The following COL1A1 variants were observed in gnomAD, a reference collection of about 807,000 sequenced individuals.
COL1A1 encodes the protein collagen alpha-1(I) chain.
A neutral mutation model predicts 195.7 loss-of-function variants in COL1A1; 21 were observed. The observed-to-expected ratio is 0.11, with a 90% CI of 0.08 to 0.15. COL1A1 has a LOEUF of 0.15. COL1A1 is among the 10% of genes least tolerant of loss of function. The pLI is 1.00. For missense variants in COL1A1, 1,365 were observed against 2,051.0 expected (o/e 0.67, Z 6.46); for synonymous variants, 749 against 747.3 (o/e 1.00, Z -0.04).
rs1906418311 is a variant in COL1A1, at chr17:50,185,527, T to A, written c.4370A>T (p.Asp1457Val). ...VGAPDQEFGF[D>V]VGPVCFL ...TTACAGGAAGCAGACAGGGCCAACG[T>A]CGAAGCCGAATTCCTGGTCTGGGGC... Residue 1457 changes from aspartate (D) to valine (V), a missense_variant, in exon 51 of 51, where the codon GAC becomes GTC. Asp to Val is a radical substitution (Grantham distance 152). This residue lies in a region of COL1A1 where 273 missense variants were observed against 338.6 expected (regional missense o/e 0.81). Coordinates refer to ENST00000225964, the MANE Select transcript of COL1A1 (RefSeq NM_000088.4). 15 of 1,613,750 alleles carry A rather than the reference T, an allele frequency of 9.3e-6. No homozygotes were observed. Among genetic ancestry groups the A allele is most frequent in the Non-Finnish European group, 1.3e-5 (15 of 1,179,942 alleles).
chr17:50,201,518 A>G lies in COL1A1; in HGVS notation c.-5T>C, dbSNP rs765421440. 1 of 1,610,292 alleles carries G rather than the reference A, an allele frequency of 6.2e-7. No homozygotes were observed. Among genetic ancestry groups the G allele is most frequent in the Non-Finnish European group, 8.5e-7 (1 of 1,179,700 alleles). Reference sequence around the variant, plus strand: ...GAGGTCCACAAAGCTGAACATGTCTAGACCCTAGACATGTAGACTCTTTGT... The same window carrying G: ...GAGGTCCACAAAGCTGAACATGTCTGGACCCTAGACATGTAGACTCTTTGT... On this transcript the variant is annotated 5_prime_UTR_variant, in exon 1 of 51. It removes the in-frame stop codon of an upstream open reading frame in the 5' UTR. Transcript: ENST00000225964.
rs1906271898 is a variant in COL1A1, at chr17:50,184,394, G to C, written c.*1108C>G. The C allele has an allele frequency of 8.7e-6, 2 of 229,388 alleles. No individual in the cohort carries two copies. The highest frequency in any genetic ancestry group is 5.7e-5 in the Admixed American group (1 of 17,492). The allele number at this position is 229,388 out of a possible 1,614,324, so 14.2% of individuals were successfully genotyped here. On this transcript the variant is annotated 3_prime_UTR_variant, in exon 51 of 51. Coordinates refer to ENST00000225964, the MANE Select transcript of COL1A1 (RefSeq NM_000088.4). ...CAGGTGGAGAGAGGGTGGAAAGTGA[G>C]CAGCGGGCTGGGCTGGAGCCGCACA...
intron 25 of COL1A1, 132 bp from the exon 26 acceptor site, chr17:50,193,179 GC>G (rs1317674838): frequency 1.1e-6 from 1 of 878,368 alleles, no homozygotes; most frequent in Admixed American, 2.2e-5. Flanking sequence ...CCCGGGGAAT[GC>G]CCCTGCAGGT....
At position 50,197,200 on chromosome 17, in the gene COL1A1, G is replaced by A. The variant is rs1435869455; in HGVS notation, c.730C>T (p.Arg244Cys). 4.3e-6 allele frequency: 7 copies of A among 1,613,338 alleles called. No individual in the cohort carries two copies. The highest frequency in any genetic ancestry group is 2.5e-6 in the Non-Finnish European group (3 of 1,180,022). Residue 244 changes from arginine (R) to cysteine (C), a missense_variant, in exon 10 of 51, where the codon CGT (arginine) becomes TGT (cysteine). By Grantham distance (180) the Arg-to-Cys change is radical (BLOSUM62 -3). Around this residue, in one of 5 missense-constraint regions of COL1A1, gnomAD observed 226 missense variants for 372.9 expected, o/e 0.61. Transcript: ENST00000225964. The part of the protein sequence containing the change: ...EAGKPGRPGE[R>C]GPPGPQGARG... ...CTCACCTGAGGCCCAGGAGGCCCAC[G>A]CTCACCAGGACGACCAGGTTTTCCA... is the stretch of plus-strand genomic sequence containing the variant.
intron 46 of COL1A1, 81 bp downstream of exon 46, chr17:50,187,403 G>T (rs1906649375): frequency 2.2e-5 from 32 of 1,425,034 alleles, no homozygotes; most frequent in Non-Finnish European, 3.0e-5. Flanking sequence ...AGAGGCAAAG[G>T]GTGCCTGGGT....
chr17:50,189,545 G>A lies in COL1A1; in HGVS notation c.2668-7C>T, dbSNP rs1555572488. The stretch of plus-strand genomic sequence containing the variant: ...CAGGGGGTCCAGCATTTCCCTGGAT[G>A]AGGATAGGAGGGGCTGTCAGACTCC... On this transcript the variant is annotated splice_region_variant and splice_polypyrimidine_tract_variant and intron_variant, in intron 38 of 50. Coordinates refer to ENST00000225964, the MANE Select transcript of COL1A1 (RefSeq NM_000088.4). This position sits in a 1 kb window ranked among gnomAD's most constrained non-coding sequence, Gnocchi z 5.5. 2 of 1,613,558 alleles carry A rather than the reference G, an allele frequency of 1.2e-6. No homozygotes were observed. The highest frequency in any genetic ancestry group is 1.1e-5 in the South Asian group (1 of 91,066).
At position 50,184,769 on chromosome 17, in the gene COL1A1, C is replaced by T. The variant is rs886053148; in HGVS notation, c.*733G>A. 2 of 232,038 alleles carry T rather than the reference C, an allele frequency of 8.6e-6. No homozygotes were observed. The highest frequency in any genetic ancestry group is 1.8e-4 in the South Asian group (1 of 5,528). 14.4% of individuals were successfully genotyped at this position (232,038 alleles called of 1,614,324 possible). Reference sequence around the variant, plus strand: ...GAACAGTCTCTCCCGCCCAGCCCTGCGGCACAAGGGATTGACACGCGTTCC... The same window carrying T: ...GAACAGTCTCTCCCGCCCAGCCCTGTGGCACAAGGGATTGACACGCGTTCC... On this transcript the variant is annotated 3_prime_UTR_variant, in exon 51 of 51. Transcript: ENST00000225964.
chr17:50,199,435 C>T lies in COL1A1; in HGVS notation c.352G>A (p.Gly118Ser), dbSNP rs1907874278. Reference sequence around the variant, plus strand: ...ACGCTTACCCTTGGGCCTCGGGGGCCAGTGTCTCCCTTGGGTCCCTGTGGG... The same window carrying T: ...ACGCTTACCCTTGGGCCTCGGGGGCTAGTGTCTCCCTTGGGTCCCTGTGGG... ...TGVEGPKGDTGPRGPRGPAGP... is the reference protein window; with the variant it reads ...TGVEGPKGDTSPRGPRGPAGP... Residue 118 changes from glycine (G) to serine (S), a missense_variant, in exon 4 of 51, where the codon GGC (glycine) becomes AGC (serine). This residue lies in a region of COL1A1 where 194 missense variants were observed against 221.7 expected (regional missense o/e 0.88). Coordinates refer to ENST00000225964, the MANE Select transcript of COL1A1 (RefSeq NM_000088.4). 6.2e-7 allele frequency: 1 copy of T among 1,614,048 alleles called. No homozygotes were observed. Among genetic ancestry groups the T allele is most frequent in the South Asian group, 1.1e-5 (1 of 91,094 alleles).
intron 5 of COL1A1, chr17:50,198,710 C>T (rs1907812681): frequency 5.0e-6 from 3 of 595,438 alleles, no homozygotes; most frequent in Middle Eastern, 4.2e-4. Context: ...TGCAAAACAA[C>T]TGGACTCATC....
At chr17:50,192,315 C>A (rs771220670) in intron 29 of COL1A1, 160 bp downstream of exon 29, 1 of 854,526 alleles carries the variant, frequency 1.2e-6, no homozygotes, top group Non-Finnish European at 1.9e-6. Flanking sequence ...ATCATGCAGC[C>A]CCCACTTCCC....
chr17:50,193,961 A>C lies in COL1A1; in HGVS notation c.1749T>G (p.Pro583=). The change falls in exon 25 of 51, where the codon CCT becomes CCG. Residue 583 remains proline, a synonymous_variant. Coordinates refer to ENST00000225964, the MANE Select transcript of COL1A1 (RefSeq NM_000088.4). The stretch of plus-strand genomic sequence containing the variant: ...TACTCACAGCAGCACCTTTAGGTCC[A>C]GGGAATCCCATCACACCAGCCTGAC... ...ARGQAGVMGF[P]GPKGAAGEPG... The C allele has an allele frequency of 1.2e-6, 2 of 1,614,152 alleles. No individual in the cohort carries two copies. Among genetic ancestry groups the C allele is most frequent in the Non-Finnish European group, 1.7e-6 (2 of 1,180,008 alleles).
rs1906849959 is a variant in COL1A1 at position 50,189,249 on chromosome 17, T to C, written c.2856A>G (p.Gln952=). 1.2e-6 allele frequency: 2 copies of C among 1,613,696 alleles called. No homozygotes were observed. Among genetic ancestry groups the C allele is most frequent in the Non-Finnish European group, 1.7e-6 (2 of 1,179,876 alleles). ...PAGAPGTPGP[Q]GIAGQRGVVG... ...CCACACCACGCTGTCCAGCAATACC[T>C]TGAGGCCCGGGAGTACCAGGAGCAC... Residue 952 remains glutamine (Q), a synonymous_variant, in exon 40 of 51, where the codon CAA becomes CAG. Transcript: ENST00000225964. The surrounding 1 kb of genome is among the most constrained non-coding windows in gnomAD (Gnocchi z 5.5).
rs1214539242 is a variant in COL1A1 at position 50,194,532 on chromosome 17, G to A, written c.1515+41C>T. The A allele has an allele frequency of 3.7e-6, 6 of 1,609,910 alleles. No homozygotes were observed. Among genetic ancestry groups the A allele is most frequent in the Non-Finnish European group, 5.1e-6 (6 of 1,177,950 alleles). On this transcript the variant is annotated intron_variant, in intron 22 of 50. Coordinates refer to ENST00000225964, the MANE Select transcript of COL1A1 (RefSeq NM_000088.4). This position sits in a 1 kb window ranked among gnomAD's most constrained non-coding sequence, Gnocchi z 6.8. ...GCCAAAAGAGGAAGAAGATGCCCAGGGAGCGGCAGGGTCAGCCCCCCGGCC... is the reference window on the plus strand; with the variant it reads ...GCCAAAAGAGGAAGAAGATGCCCAGAGAGCGGCAGGGTCAGCCCCCCGGCC...
rs771860399 is a variant in COL1A1 at position 50,189,784 on chromosome 17, G to A, written c.2614-52C>T. On this transcript the variant is annotated intron_variant, in intron 37 of 50. Transcript: ENST00000225964. The surrounding 1 kb of genome is among the most constrained non-coding windows in gnomAD (Gnocchi z 5.5). ...CAGAGGGAGAACAGCCAACTCATCC[G>A]ACCCAGCTGCCCTCACCTGCCACCG... 3.1e-6 allele frequency: 5 copies of A among 1,611,924 alleles called. No individual in the cohort carries two copies. Among genetic ancestry groups the A allele is most frequent in the Admixed American group, 1.7e-5 (1 of 59,714 alleles).
intron 15 of COL1A1, 40 bp from the exon 16 acceptor site, chr17:50,196,016 G>A (rs1412281936): frequency 6.3e-7 from 1 of 1,599,020 alleles, no homozygotes; most frequent in Non-Finnish European, 8.5e-7. Context: ...AGGAAGAGAT[G>A]GCAGCTGCAA....
At chr17:50,196,953 A>G (rs892830565) in intron 11 of COL1A1, 57 bp downstream of exon 11, 7 of 1,583,574 alleles carry the variant, frequency 4.4e-6, no homozygotes, top group Non-Finnish European at 6.1e-6. Flanking sequence ...AGAGGTTGGG[A>G]CTGGATGGGG....
chr17:50,186,567 G>C lies in COL1A1; in HGVS notation c.3815-60C>G. The C allele has an allele frequency of 1.2e-6, 2 of 1,612,412 alleles. No homozygotes were observed. Among genetic ancestry groups the C allele is most frequent in the South Asian group, 2.2e-5 (2 of 91,070 alleles). On this transcript the variant is annotated intron_variant, in intron 48 of 50. Transcript: ENST00000225964. The surrounding 1 kb of genome is among the most constrained non-coding windows in gnomAD (Gnocchi z 5.3). ...AGGGAGCAGCCAGCACCATATGGTAGGGGCACATATGGGCATGGGGACCCT... is the reference window on the plus strand; with the variant it reads ...AGGGAGCAGCCAGCACCATATGGTACGGGCACATATGGGCATGGGGACCCT...
At chr17:50,192,591 G>T (rs1293026807) in intron 28 of COL1A1, 49 bp downstream of exon 28, 5 of 1,613,910 alleles carry the variant, frequency 3.1e-6, no homozygotes, top group Admixed American at 1.7e-5. Context: ...GACCAAAGAG[G>T]TGTTTCCTAC....
In COL1A1 at chr17:50,201,576, T is replaced by C; in HGVS notation, c.-63A>G. 2 of 1,461,920 alleles carry C rather than the reference T, an allele frequency of 1.4e-6. No individual in the cohort carries two copies. Among genetic ancestry groups the C allele is most frequent in the South Asian group, 2.4e-5 (2 of 82,064 alleles). 90.6% of individuals were successfully genotyped at this position (1,461,920 alleles called of 1,614,324 possible). A position where few individuals can be genotyped will look rare whatever the true frequency, so the allele number is the denominator to read the frequency against. The stretch of plus-strand genomic sequence containing the variant: ...GAGGGGGTTAGCGTCCGCTCATGCG[T>C]GGCCTCACACTCCGCGTGCCTCCTG... On this transcript the variant is annotated 5_prime_UTR_variant, in exon 1 of 51. Transcript: ENST00000225964.
Sources: allele counts gnomAD v4.1 joint callset, GRCh38; gene constraint gnomAD v4.1.1; regional missense constraint gnomAD v4.1.1; non-coding constraint Gnocchi (gnomAD v3.1); transcripts MANE v1.5; gene names NCBI Gene and HGNC (gene_info 2026-07-23, HGNC 2026-07-21).